DNAAF5: variants seen among roughly 807,000 people sequenced by gnomAD.
DNAAF5 encodes the protein HEAT repeat containing 2.
DNAAF5 carries 64 observed loss-of-function variants against 75.8 expected under a neutral mutation model. The observed-to-expected ratio is 0.84, with a 90% CI of 0.69 to 1.04. DNAAF5 has a LOEUF of 1.04. DNAAF5 is among the 50% of genes least tolerant of loss of function. The probability of loss-of-function intolerance (pLI) is 0.00; values close to 1 mark genes in which losing one functional copy is unlikely to be tolerated. For synonymous variants in DNAAF5, 657 were observed against 557.2 expected, an observed-to-expected ratio of 1.18 and a Z score of -2.52; for missense variants, 1,269 against 1,178.5, an observed-to-expected ratio of 1.08 and a Z score of -1.12.
intron 9 of DNAAF5, chr7:771,719 C>G (rs984013846): frequency 2.0e-5 from 3 of 152,082 alleles, no homozygotes; most frequent in Admixed American, 6.5e-5. Context: ...GATAACACAG[C>G]AGGGTCCAGG....
At chr7:781,144 G>C (rs966998628) in intron 12 of DNAAF5, among the ~76,000 whole-genome samples, 1 of 152,086 alleles carries the variant, frequency 6.6e-6, no homozygotes. Context: ...TTCTGTTTTT[G>C]TACTCATTAA....
At chr7:736,737 C>T (rs745975491) in intron 2 of DNAAF5, among the ~76,000 whole-genome samples, 4 of 152,078 alleles carry the variant, frequency 2.6e-5, no homozygotes, top group Non-Finnish European at 5.9e-5. Context: ...TTACTCCTGC[C>T]GTTTTGTTGT....
Position 770,566 on chromosome 7 carries a change from T to C in DNAAF5, c.1879T>C (p.Ser627Pro). Reference protein sequence around the residue: ...QDPQMRLKLFSILSTVLLRAT... With the variant: ...QDPQMRLKLFPILSTVLLRAT... Reference sequence around the variant, plus strand: ...CCCGCAGATGCGCCTGAAGCTGTTCTCCATCCTGTCCACCGTGCTGCTCAG... The same window carrying C: ...CCCGCAGATGCGCCTGAAGCTGTTCCCCATCCTGTCCACCGTGCTGCTCAG... The change falls in exon 9 of 13, where the codon TCC becomes CCC. Residue 627 changes from serine (S) to proline (P), a missense_variant. By Grantham distance (74) the Ser-to-Pro change is moderately conservative. Coordinates refer to ENST00000297440, the MANE Select transcript of DNAAF5 (RefSeq NM_017802.4). The C allele has an allele frequency of 1.9e-6, 3 of 1,613,936 alleles. No homozygotes were observed. Among genetic ancestry groups the C allele is most frequent in the Non-Finnish European group, 2.5e-6 (3 of 1,179,992 alleles).
At chr7:751,070 G>C (rs184877246) in intron 4 of DNAAF5, 1 of 152,206 alleles carries the variant, frequency 6.6e-6, no homozygotes, top group Non-Finnish European at 1.5e-5. Context: ...AGAATTGCCT[G>C]AACTCAGGAG....
chr7:780,597 C>CTCGCCTG (rs1186764348), intron 12 of DNAAF5, among the ~76,000 whole-genome samples: 1 of 152,206 alleles, frequency 6.6e-6, no homozygotes, highest in Non-Finnish European at 1.5e-5. Context: ...ATAATCTGGC[C>CTCGCCTG]TCGCCTGTGG....
At chr7:744,503 A>G (rs1172592931) in intron 4 of DNAAF5, among the ~76,000 whole-genome samples, 1 of 152,250 alleles carries the variant, frequency 6.6e-6, no homozygotes, top group Admixed American at 6.5e-5. Context: ...GGACATGAAC[A>G]GACACTTCTC....
chr7:757,484 G>T (rs1583499174), intron 6 of DNAAF5, among the ~76,000 whole-genome samples: 2 of 132,962 alleles, frequency 1.5e-5, no homozygotes, highest in Admixed American at 7.8e-5. Context: ...CACGTCCTCA[G>T]GGGGCACTGA....
intron 8 of DNAAF5, among the ~76,000 whole-genome samples, chr7:764,966 A>G (rs1392890389): frequency 1.3e-5 from 2 of 152,126 alleles, no homozygotes; most frequent in Admixed American, 6.6e-5. Context: ...AATAAATAAA[A>G]TACAGTTAGC....
chr7:741,369 G>T lies in DNAAF5; in HGVS notation c.928G>T (p.Glu310Ter). 6.3e-7 allele frequency: 1 copy of T among 1,588,052 alleles called. No individual in the cohort carries two copies. The highest frequency in any genetic ancestry group is 1.8e-5 in the Admixed American group (1 of 55,476). ...EVRQLAASLW[E>*]DVGLQWQKEN... The stretch of plus-strand genomic sequence containing the variant: ...CAGGCAGCTGGCTGCCAGCCTCTGG[G>T]AGGACGTTGGCCTGCAGTGGCAGAA... Residue 310 changes from glutamate (E) to a stop codon, truncating the protein, a stop_gained, in exon 4 of 13, where the codon GAG becomes TAG. Coordinates refer to ENST00000297440, the MANE Select transcript of DNAAF5 (RefSeq NM_017802.4). LOFTEE classifies it high-confidence loss of function.
At chr7:745,624 CGT>C (rs947379053) in intron 4 of DNAAF5, among the ~76,000 whole-genome samples, 2 of 152,188 alleles carry the variant, frequency 1.3e-5, no homozygotes, top group African/African-American at 4.8e-5. Context: ...TGTGCACACA[CGT>C]GTACATGTAT....
At chr7:770,037 C>T (rs1439026803) in intron 8 of DNAAF5, among the ~76,000 whole-genome samples, 1 of 152,128 alleles carries the variant, frequency 6.6e-6, no homozygotes, top group Non-Finnish European at 1.5e-5. Flanking sequence ...CTGCAACCTC[C>T]ACCTCCCAGG....
chr7:769,209 A>T, intron 8 of DNAAF5: 1 of 771,688 alleles, frequency 1.3e-6, no homozygotes, highest in Non-Finnish European at 2.4e-6. Context: ...GCTCAAGGTG[A>T]CTCACAGTTG....
intron 1 of DNAAF5, among the ~76,000 whole-genome samples, chr7:729,171 G>A (rs1404287742): frequency 6.6e-6 from 1 of 152,046 alleles, no homozygotes; most frequent in Non-Finnish European, 1.5e-5. Context: ...GACTTTCTGC[G>A]GGGACTTTAC....
intron 9 of DNAAF5, chr7:772,760 A>AT (rs1736304958): frequency 6.6e-6 from 1 of 152,318 alleles, no homozygotes; most frequent in African/African-American, 2.4e-5. Context: ...AGGCAGGAGA[A>AT]TCACTTGAAC....
At chr7:753,052 T>G (rs1429575145) in intron 4 of DNAAF5, among the ~76,000 whole-genome samples, 1 of 152,116 alleles carries the variant, frequency 6.6e-6, no homozygotes, top group Admixed American at 6.5e-5. Context: ...AGACTGAGCG[T>G]ACCGCGTGCC....
chr7:780,018 A>G lies in DNAAF5; in HGVS notation c.2305A>G (p.Thr769Ala), dbSNP rs1467820297. The change falls in exon 12 of 13, where the codon ACC (threonine) becomes GCC (alanine). Residue 769 changes from threonine to alanine, a missense_variant. Coordinates refer to ENST00000297440, the MANE Select transcript of DNAAF5 (RefSeq NM_017802.4). ...GATGGCAGCCGCCTCCACCTTGGTC[A>G]CCTGGCTGCAGTGTGTCAAGGGTGC... ...VRMAAASTLV[T>A]WLQCVKGANA... The G allele has an allele frequency of 6.2e-7, 1 of 1,614,102 alleles. No homozygotes were observed. The highest frequency in any genetic ancestry group is 1.3e-5 in the African/African-American group (1 of 74,958).
chr7:780,235 G>A, intron 12 of DNAAF5, 91 bp downstream of exon 12: 2 of 1,245,380 alleles, frequency 1.6e-6, no homozygotes, highest in South Asian at 2.9e-5. Flanking sequence ...CCGGCCACAG[G>A]GCCCTGGGGC....
chr7:733,143 C>G, intron 2 of DNAAF5, among the ~76,000 whole-genome samples: 1 of 152,146 alleles, frequency 6.6e-6, no homozygotes, highest in East Asian at 1.9e-4. Flanking sequence ...GTCTGTGTGT[C>G]TGTTTTTATG....
chr7:726,858 G>C lies in DNAAF5; in HGVS notation c.138G>C (p.Arg46=), dbSNP rs1423812298. ...PGLEADSKPG[R]RRALEALRRA... The stretch of plus-strand genomic sequence containing the variant: ...TGGAGGCCGACAGCAAGCCGGGCCG[G>C]CGGCGCGCCTTGGAGGCCCTGCGGC... Residue 46 remains arginine (R), a synonymous_variant, in exon 1 of 13, where the codon CGG becomes CGC. Coordinates refer to ENST00000297440, the MANE Select transcript of DNAAF5 (RefSeq NM_017802.4). The C allele has an allele frequency of 1.5e-6, 2 of 1,318,540 alleles. No homozygotes were observed. The highest frequency in any genetic ancestry group is 1.9e-6 in the Non-Finnish European group (2 of 1,037,196). 81.7% of individuals were successfully genotyped at this position (1,318,540 alleles called of 1,614,324 possible).
Sources: allele counts gnomAD v4.1 joint callset (sites outside exome capture counted in the v4.1 genomes callset), GRCh38; gene constraint gnomAD v4.1.1; transcripts MANE v1.5; gene names NCBI Gene and HGNC (gene_info 2026-07-23, HGNC 2026-07-21).